OSBPL1A: variants seen among roughly 807,000 people sequenced by gnomAD.
The protein encoded by OSBPL1A is oxysterol-binding protein-related protein 1.
Under a neutral mutation model 137.1 loss-of-function variants are expected in OSBPL1A, and 80 were observed. The ratio of observed to expected loss-of-function variants is 0.58; its 90% CI spans 0.49 to 0.70. The LOEUF is 0.70. OSBPL1A is among the 30% of genes least tolerant of loss of function. The pLI is 0.00. For synonymous variants in OSBPL1A, 365 were observed against 389.7 expected, an observed-to-expected ratio of 0.94 and a Z score of 0.75; for missense variants, 970 against 1,129.4, an observed-to-expected ratio of 0.86 and a Z score of 2.02.
intron 14 of OSBPL1A, among the ~76,000 whole-genome samples, chr18:24,294,208 C>T (rs553712581): frequency 6.7e-6 from 1 of 149,590 alleles, no homozygotes; most frequent in East Asian, 1.9e-4. Context: ...ACACTACATC[C>T]AATATGTGGT....
chr18:24,233,126 G>A (rs577919014), intron 16 of OSBPL1A, among the ~76,000 whole-genome samples: 7 of 152,268 alleles, frequency 4.6e-5, no homozygotes, highest in South Asian at 2.1e-4. Flanking sequence ...GGAATTTTCC[G>A]TGAAACTGCT....
intron 16 of OSBPL1A, among the ~76,000 whole-genome samples, chr18:24,235,549 A>G (rs1698296494): frequency 6.6e-6 from 1 of 152,210 alleles, no homozygotes; most frequent in Non-Finnish European, 1.5e-5. Flanking sequence ...CCTCGATTCT[A>G]TGTCTCATGG....
At chr18:24,284,874 C>T (rs1231128042) in intron 14 of OSBPL1A, among the ~76,000 whole-genome samples, 1 of 152,198 alleles carries the variant, frequency 6.6e-6, no homozygotes, top group Non-Finnish European at 1.5e-5. Flanking sequence ...AGGCCTAGTT[C>T]AAATGCCATC....
intron 6 of OSBPL1A, 113 bp from the exon 7 acceptor site, chr18:24,333,199 T>C: frequency 8.4e-7 from 1 of 1,190,344 alleles, no homozygotes; most frequent in South Asian, 1.5e-5. Context: ...CTCCTTGGCA[T>C]CCAGGCTGTT....
At chr18:24,313,763 G>T (rs1395551725) in intron 12 of OSBPL1A, among the ~76,000 whole-genome samples, 1 of 152,154 alleles carries the variant, frequency 6.6e-6, no homozygotes, top group Non-Finnish European at 1.5e-5. Context: ...GGTACATGTT[G>T]ATAAAGAACT....
At chr18:24,314,932 G>A (rs776579627) in intron 11 of OSBPL1A, among the ~76,000 whole-genome samples, 4 of 152,100 alleles carry the variant, frequency 2.6e-5, no homozygotes, top group South Asian at 2.1e-4. Flanking sequence ...CAAGCTTAGC[G>A]TTCCAATAAT....
chr18:24,368,211 T>C, intron 3 of OSBPL1A, 76 bp downstream of exon 3: 1 of 1,200,952 alleles, frequency 8.3e-7, no homozygotes, highest in East Asian at 2.4e-5. Context: ...AGGTGGCTTT[T>C]CTAAGACTTT....
intron 14 of OSBPL1A, among the ~76,000 whole-genome samples, chr18:24,291,186 C>T (rs1402110140): frequency 4.6e-5 from 7 of 152,126 alleles, no homozygotes; most frequent in Non-Finnish European, 1.0e-4. Flanking sequence ...AAAGACTTAG[C>T]TGTGCAACAA....
chr18:24,361,996 C>CAAAAAAAAAAAAAAAAAAAAAAAACAA (rs200189504), intron 4 of OSBPL1A, among the ~76,000 whole-genome samples: 1 of 52,182 alleles, frequency 1.9e-5, no homozygotes, highest in African/African-American at 6.3e-5. Flanking sequence ...GACTCCATCT[C>CAAAAAAAAAAAAAAAAAAAAAAAACAA]AAAAAAAAAA....
intron 15 of OSBPL1A, among the ~76,000 whole-genome samples, chr18:24,274,515 G>A (rs1241694966): frequency 6.6e-6 from 1 of 152,180 alleles, no homozygotes; most frequent in Non-Finnish European, 1.5e-5. Flanking sequence ...AAAAGAATGG[G>A]TGACATCATC....
At chr18:24,291,973 T>C (rs914884795) in intron 14 of OSBPL1A, among the ~76,000 whole-genome samples, 1 of 152,134 alleles carries the variant, frequency 6.6e-6, no homozygotes, top group Non-Finnish European at 1.5e-5. Flanking sequence ...TAATCCCAGC[T>C]ACTCAGGAGG....
intron 14 of OSBPL1A, among the ~76,000 whole-genome samples, chr18:24,299,444 G>A (rs1458767342): frequency 1.3e-5 from 2 of 152,004 alleles, no homozygotes; most frequent in Admixed American, 1.3e-4. Flanking sequence ...GCAAATTCAC[G>A]TAGAGTTTAT....
At chr18:24,228,016 A>T (rs1473563555) in intron 16 of OSBPL1A, among the ~76,000 whole-genome samples, 1 of 152,148 alleles carries the variant, frequency 6.6e-6, no homozygotes, top group African/African-American at 2.4e-5. Flanking sequence ...CATAAACATT[A>T]AACACGGAAC....
chr18:24,363,727 G>A (rs1162580568), intron 4 of OSBPL1A, among the ~76,000 whole-genome samples: 2 of 150,550 alleles, frequency 1.3e-5, no homozygotes, highest in Admixed American at 6.6e-5. Context: ...CTTCAGCCTC[G>A]ACCTCCCCGG....
intron 7 of OSBPL1A, among the ~76,000 whole-genome samples, chr18:24,328,036 C>CTT (rs10563779): frequency 3.1e-3 from 301 of 95,614 alleles, no homozygotes; most frequent in East Asian, 6.0e-3. Flanking sequence ...AGAAATCACA[C>CTT]TTTTTTTTTT....
intron 17 of OSBPL1A, among the ~76,000 whole-genome samples, chr18:24,210,575 C>T (rs1260918988): frequency 6.7e-6 from 1 of 149,764 alleles, no homozygotes; most frequent in African/African-American, 2.5e-5. Context: ...ACTTTGTCAT[C>T]CAGGCTGGAA....
At chr18:24,390,408 G>A (rs996402791) in intron 1 of OSBPL1A, among the ~76,000 whole-genome samples, 3 of 152,118 alleles carry the variant, frequency 2.0e-5, no homozygotes, top group East Asian at 1.9e-4. Context: ...CCTTTAAAAG[G>A]AAGGATGGGC....
chr18:24,214,853 T>C (rs1389524040), intron 17 of OSBPL1A, among the ~76,000 whole-genome samples: 1 of 152,330 alleles, frequency 6.6e-6, no homozygotes, highest in African/African-American at 2.4e-5. Flanking sequence ...TATGACTGTG[T>C]TGCTTTTCAT....
intron 16 of OSBPL1A, among the ~76,000 whole-genome samples, chr18:24,234,224 G>A (rs756961803): frequency 3.8e-4 from 58 of 152,140 alleles, no homozygotes; most frequent in Non-Finnish European, 7.2e-4. Context: ...GGTTTCTCAT[G>A]ATATCTTTTT....
Sources: allele counts gnomAD v4.1 joint callset (sites outside exome capture counted in the v4.1 genomes callset), GRCh38; gene constraint gnomAD v4.1.1; transcripts MANE v1.5; gene names NCBI Gene and HGNC (gene_info 2026-07-23, HGNC 2026-07-21).